LRRC3B: variants seen among roughly 807,000 people sequenced by gnomAD.
The protein encoded by LRRC3B is leucine rich repeat containing 3B, also known as leucine-rich repeat-containing protein 3B.
Under a neutral mutation model 12.8 loss-of-function variants are expected in LRRC3B, and 2 were observed. The observed-to-expected ratio is 0.16, with a 90% confidence interval of 0.06 to 0.49. The LOEUF (loss-of-function observed/expected upper bound fraction) is 0.49, where lower values mean the gene tolerates loss of function less well. LRRC3B is among the 20% of genes least tolerant of loss of function. The pLI is 0.96. For missense variants in LRRC3B, 189 were observed against 319.4 expected, an observed-to-expected ratio of 0.59 and a Z score of 3.11; for synonymous variants, 132 against 122.0, an observed-to-expected ratio of 1.08 and a Z score of -0.54.
chr3:26,707,389 A>T (rs1301890478), intron 1 of LRRC3B, among the ~76,000 whole-genome samples: 1 of 151,980 alleles, frequency 6.6e-6, no homozygotes, highest in Non-Finnish European at 1.5e-5. Context: ...AAAATAATAA[A>T]TAAATAAAGC....
At chr3:26,634,426 G>A (rs376082236) in intron 1 of LRRC3B, among the ~76,000 whole-genome samples, 76 of 152,334 alleles carry the variant, frequency 5.0e-4, no homozygotes, top group Non-Finnish European at 9.7e-4. Context: ...GAAGAAAAAC[G>A]TAGGTGTAGT....
chr3:26,671,052 G>A (rs1200216775), intron 1 of LRRC3B, among the ~76,000 whole-genome samples: 5 of 108,822 alleles, frequency 4.6e-5, no homozygotes, highest in Non-Finnish European at 8.3e-5. Context: ...GTCTCGCTCT[G>A]TCGCCCAGGC....
At chr3:26,628,877 A>T (rs1698690333) in intron 1 of LRRC3B, among the ~76,000 whole-genome samples, 1 of 151,834 alleles carries the variant, frequency 6.6e-6, no homozygotes, top group African/African-American at 2.4e-5. Context: ...TCCACAAATA[A>T]AAACAGATTT....
rs1698902171 is a variant in LRRC3B at position 26,636,922 on chromosome 3, CTTTCTTT to C, written c.-161+13686_-161+13692del. ...TCTCTCTTTCTCTCTTTCTCTCTTT[CTTTCTTT>C]CTTTCTTTCTTTCTTTCTTTCTTTC... On this transcript the variant is annotated intron_variant, in intron 1 of 1. Coordinates refer to ENST00000396641, the Ensembl canonical transcript of LRRC3B. Among the ~76,000 whole-genome samples the C allele has an allele frequency of 3.3e-5, 2 of 61,418 alleles. 1 individual carries two copies. Among genetic ancestry groups the C allele is most frequent in the Admixed American group, 3.6e-4 (2 of 5,482 alleles). 40.3% of individuals were successfully genotyped at this position (61,418 alleles called of 152,430 possible). A position where few individuals can be genotyped will look rare whatever the true frequency, so the allele number is the denominator to read the frequency against.
At chr3:26,673,844 A>C (rs1699802812) in intron 1 of LRRC3B, among the ~76,000 whole-genome samples, 1 of 152,166 alleles carries the variant, frequency 6.6e-6, no homozygotes, top group Non-Finnish European at 1.5e-5. Context: ...TTGGTGAATG[A>C]CACTCACCCT....
intron 1 of LRRC3B, among the ~76,000 whole-genome samples, chr3:26,688,846 A>T (rs1053647021): frequency 6.6e-6 from 1 of 152,240 alleles, no homozygotes; most frequent in African/African-American, 2.4e-5. Flanking sequence ...GCTAGAGTAC[A>T]GTTTTTAACC....
chr3:26,655,654 T>A (rs1389836560), intron 1 of LRRC3B, among the ~76,000 whole-genome samples: 1 of 152,198 alleles, frequency 6.6e-6, no homozygotes, highest in Non-Finnish European at 1.5e-5. Context: ...GCCCTTTTTA[T>A]AATACCAAGT....
intron 1 of LRRC3B, among the ~76,000 whole-genome samples, chr3:26,685,780 T>G (rs1700075871): frequency 6.6e-6 from 1 of 152,058 alleles, no homozygotes; most frequent in African/African-American, 2.4e-5. Context: ...GCAAGTTGCC[T>G]GCTTTCCTCC....
At chr3:26,664,519 T>A (rs1699559290) in intron 1 of LRRC3B, among the ~76,000 whole-genome samples, 1 of 151,952 alleles carries the variant, frequency 6.6e-6, no homozygotes, top group African/African-American at 2.4e-5. Flanking sequence ...AAAGTTGAGG[T>A]TTTCATGAAA....
chr3:26,693,158 G>T (rs531760100), intron 1 of LRRC3B, among the ~76,000 whole-genome samples: 1 of 151,132 alleles, frequency 6.6e-6, no homozygotes, highest in Admixed American at 6.6e-5. Flanking sequence ...GTGAAACCCC[G>T]TCTCTACTAA....
chr3:26,671,973 T>TAGTAA (rs1260168273), intron 1 of LRRC3B, among the ~76,000 whole-genome samples: 1 of 152,180 alleles, frequency 6.6e-6, no homozygotes, highest in East Asian at 1.9e-4. Context: ...ATGGAAACTC[T>TAGTAA]AGTAAAGTAA....
chr3:26,699,671 A>G (rs1027399994), intron 1 of LRRC3B, among the ~76,000 whole-genome samples: 13 of 152,202 alleles, frequency 8.5e-5, no homozygotes, highest in African/African-American at 3.1e-4. Context: ...GAAGCTTTCA[A>G]GTTATCCTGG....
chr3:26,628,456 G>A (rs570765948), intron 1 of LRRC3B, among the ~76,000 whole-genome samples: 1 of 147,670 alleles, frequency 6.8e-6, no homozygotes, highest in South Asian at 2.1e-4. Flanking sequence ...AGTAGGACCT[G>A]AGAAGCTTTA....
At position 26,640,233 on chromosome 3, in the gene LRRC3B, G is replaced by C. The variant is rs76916099; in HGVS notation, c.-161+16996G>C. ...TATCCTCCCACTATATTCTTTTTAC[G>C]AGTGGTCCTCAAGCTGTGTTCTTCT... On this transcript the variant is annotated intron_variant, in intron 1 of 1. Coordinates refer to ENST00000396641, the Ensembl canonical transcript of LRRC3B. Among the ~76,000 whole-genome samples the C allele has an allele frequency of 5.3e-3, 801 of 151,914 alleles. 11 individuals carry two copies. The highest frequency in any genetic ancestry group is 0.017 in the African/African-American group (709 of 41,424).
intron 1 of LRRC3B, among the ~76,000 whole-genome samples, chr3:26,692,953 A>G (rs1175267500): frequency 1.3e-5 from 2 of 152,200 alleles, no homozygotes; most frequent in Non-Finnish European, 2.9e-5. Context: ...CTCAGCTAGA[A>G]CAACAGGCTT....
chr3:26,638,170 G>C (rs1698942538), intron 1 of LRRC3B, among the ~76,000 whole-genome samples: 1 of 152,142 alleles, frequency 6.6e-6, no homozygotes, highest in African/African-American at 2.4e-5. Flanking sequence ...TGACTGCCAA[G>C]TGAAAATTGA....
In LRRC3B at chr3:26,685,141, T is replaced by TG. The variant is rs567805343; in HGVS notation, c.-160-24368dup. 4.8e-3 allele frequency among the ~76,000 whole-genome samples: 724 copies of TG among 151,900 alleles called. 2 individuals are homozygous for TG. The highest frequency in any genetic ancestry group is 0.016 in the African/African-American group (676 of 41,438). ...GCTAATTTTGTATTTCTAGTAGAGATGGGGTTTCAACAAGTTGGTCAGGCT... is the reference window on the plus strand; with the variant it reads ...GCTAATTTTGTATTTCTAGTAGAGATGGGGGTTTCAACAAGTTGGTCAGGCT... On this transcript the variant is annotated intron_variant, in intron 1 of 1. Coordinates refer to ENST00000396641, the Ensembl canonical transcript of LRRC3B.
chr3:26,627,449 A>G (rs763061538), intron 1 of LRRC3B, among the ~76,000 whole-genome samples: 1 of 152,060 alleles, frequency 6.6e-6, no homozygotes. Flanking sequence ...AGGCCATCCT[A>G]TAGTGAGGAC....
intron 1 of LRRC3B, among the ~76,000 whole-genome samples, chr3:26,686,085 T>A (rs1700082444): frequency 6.6e-6 from 1 of 152,066 alleles, no homozygotes; most frequent in Admixed American, 6.5e-5. Flanking sequence ...TATTTTCCTT[T>A]CTTTTTTTTT....
Sources: allele counts gnomAD v4.1 joint callset (sites outside exome capture counted in the v4.1 genomes callset), GRCh38; gene constraint gnomAD v4.1.1; transcripts MANE v1.5; gene names NCBI Gene and HGNC (gene_info 2026-07-23, HGNC 2026-07-21).